The following WFDC1 variants were observed in gnomAD, a reference collection of about 807,000 sequenced individuals.
WFDC1 encodes the protein WAP four-disulfide core domain 1.
In WFDC1, 39 loss-of-function variants were observed where a neutral mutation model predicts 32.9. The observed-to-expected ratio is 1.19, with a 90% confidence interval of 0.92 to 1.55. The LOEUF (loss-of-function observed/expected upper bound fraction) is 1.55, where lower values mean the gene tolerates loss of function less well. Ranked by LOEUF, WFDC1 falls within the 40% of genes most tolerant of loss-of-function variation. The pLI, the probability that WFDC1 is intolerant of heterozygous loss-of-function variation, is 0.00. For synonymous variants in WFDC1, 184 were observed against 137.4 expected, an observed-to-expected ratio of 1.34 and a Z score of -2.37; for missense variants, 386 against 309.5, an observed-to-expected ratio of 1.25 and a Z score of -1.85.
intron 5 of WFDC1, 53 bp from the exon 6 acceptor site, chr16:84,326,829 A>G (rs1351217619): frequency 7.5e-6 from 12 of 1,609,932 alleles, no homozygotes; most frequent in Non-Finnish European, 9.3e-6. Context: ...CACGGGGGGC[A>G]TTAGAGCAGG....
chr16:84,321,216 A>G (rs762722613), intron 4 of WFDC1, among the ~76,000 whole-genome samples: 4 of 152,244 alleles, frequency 2.6e-5, no homozygotes, highest in Non-Finnish European at 4.4e-5. Flanking sequence ...TGGGTTCATA[A>G]TACTTGAGGT....
chr16:84,301,713 T>C (rs78837264), intron 1 of WFDC1, among the ~76,000 whole-genome samples: 17,811 of 152,168 alleles, frequency 0.12, 1,350 homozygotes, highest in South Asian at 0.22. Context: ...CACACCCTGG[T>C]GTCTAGCCCA....
At chr16:84,304,173 C>G (rs1907108786) in intron 1 of WFDC1, among the ~76,000 whole-genome samples, 1 of 152,212 alleles carries the variant, frequency 6.6e-6, no homozygotes, top group South Asian at 2.1e-4. Context: ...GGGCATTTCC[C>G]CACCTGCTTC....
At chr16:84,309,701 C>A (rs992226243) in intron 1 of WFDC1, among the ~76,000 whole-genome samples, 1 of 152,102 alleles carries the variant, frequency 6.6e-6, no homozygotes. Context: ...GCCGCGCCCC[C>A]CCAACTCCAG....
chr16:84,302,506 C>T (rs375172224), intron 1 of WFDC1, among the ~76,000 whole-genome samples: 6 of 152,016 alleles, frequency 3.9e-5, no homozygotes, highest in South Asian at 4.2e-4. Context: ...AGCAAGTGTC[C>T]GCTCACGGTG....
At chr16:84,304,189 G>T (rs567851368) in intron 1 of WFDC1, among the ~76,000 whole-genome samples, 13 of 152,252 alleles carry the variant, frequency 8.5e-5, no homozygotes, top group Admixed American at 7.9e-4. Context: ...GCTTCCTAGG[G>T]ATATCAGTGG....
chr16:84,324,317 G>A, intron 4 of WFDC1, 102 bp from the exon 5 acceptor site: 6 of 1,037,286 alleles, frequency 5.8e-6, no homozygotes, highest in Non-Finnish European at 9.0e-6. Context: ...CTAGTGAGAT[G>A]GGGAGACTGA....
At chr16:84,318,594 C>G in intron 3 of WFDC1, 2 of 442,064 alleles carry the variant, frequency 4.5e-6, no homozygotes, top group Non-Finnish European at 8.4e-6. Flanking sequence ...ATGGAGCCTC[C>G]TCCTGGATGG....
chr16:84,318,688 C>T (rs1280011877), intron 3 of WFDC1: 2 of 255,676 alleles, frequency 7.8e-6, no homozygotes, highest in South Asian at 5.5e-5. Flanking sequence ...GATGAAGCCT[C>T]CCTGGGGGTG....
At position 84,300,263 on chromosome 16, in the gene WFDC1, A is replaced by G. The variant is rs192498499; in HGVS notation, c.144+5148A>G. Among the ~76,000 whole-genome samples, 7 of 152,364 alleles carry G rather than the reference A, an allele frequency of 4.6e-5. No individual in the cohort carries two copies. In the East Asian group the frequency reaches 1.4e-3, roughly 29 times the overall value. On this transcript the variant is annotated intron_variant, in intron 1 of 6. Transcript: ENST00000219454. ...GGGGAGGTAACACCTGTAGGAGCAA[A>G]TGGAGCTGGAGCCCGATGGCCCAGC...
At chr16:84,307,025 T>C (rs1029136345) in intron 1 of WFDC1, among the ~76,000 whole-genome samples, 2 of 151,280 alleles carry the variant, frequency 1.3e-5, no homozygotes, top group Non-Finnish European at 2.9e-5. Context: ...CCCAGGTAGG[T>C]GAGAGCCGGG....
At chr16:84,313,212 C>A in intron 2 of WFDC1, 59 bp downstream of exon 2, 1 of 1,332,334 alleles carries the variant, frequency 7.5e-7, no homozygotes, top group Non-Finnish European at 9.6e-7. Flanking sequence ...CAGAGCTGTC[C>A]CGGGGGAGGG....
intron 3 of WFDC1, chr16:84,318,563 G>A: frequency 1.8e-6 from 1 of 542,628 alleles, no homozygotes; most frequent in Non-Finnish European, 3.3e-6. Flanking sequence ...TACAGAATAA[G>A]GGCTTCGACT....
At chr16:84,310,844 C>G (rs1198432159) in intron 1 of WFDC1, among the ~76,000 whole-genome samples, 1 of 152,226 alleles carries the variant, frequency 6.6e-6, no homozygotes, top group African/African-American at 2.4e-5. Context: ...TCATGGCTGT[C>G]TACTATTCCA....
intron 4 of WFDC1, among the ~76,000 whole-genome samples, chr16:84,323,585 T>C (rs1193364590): frequency 6.6e-6 from 1 of 152,248 alleles, no homozygotes; most frequent in Admixed American, 6.5e-5. Flanking sequence ...AAATTGTTTC[T>C]TTTAATCCTC....
intron 1 of WFDC1, among the ~76,000 whole-genome samples, chr16:84,299,392 A>C (rs1024416690): frequency 6.6e-6 from 1 of 152,034 alleles, no homozygotes; most frequent in Non-Finnish European, 1.5e-5. Flanking sequence ...AAAGCAAAAA[A>C]AAAAAACCAA....
intron 4 of WFDC1, among the ~76,000 whole-genome samples, chr16:84,320,545 G>C (rs1198645541): frequency 6.6e-6 from 1 of 152,202 alleles, no homozygotes; most frequent in Non-Finnish European, 1.5e-5. Context: ...AAAGAACAAT[G>C]GCACAGCGAT....
intron 1 of WFDC1, 100 bp from the exon 2 acceptor site, chr16:84,312,861 C>A: frequency 1.4e-6 from 1 of 711,292 alleles, no homozygotes; most frequent in South Asian, 6.7e-5. Flanking sequence ...AACGCAGGCT[C>A]AGAGAGGCCC....
At chr16:84,309,966 A>G (rs1234965867) in intron 1 of WFDC1, among the ~76,000 whole-genome samples, 1 of 151,990 alleles carries the variant, frequency 6.6e-6, no homozygotes, top group African/African-American at 2.4e-5. Flanking sequence ...TCATCTCCCC[A>G]TGTCAAGATC....
Sources: allele counts gnomAD v4.1 joint callset (sites outside exome capture counted in the v4.1 genomes callset), GRCh38; gene constraint gnomAD v4.1.1; transcripts MANE v1.5; gene names NCBI Gene and HGNC (gene_info 2026-07-23, HGNC 2026-07-21).